Variants in MGAT1 observed in about 807,000 individuals in gnomAD.
The protein encoded by MGAT1 is N-glycosyl-oligosaccharide-glycoprotein N-acetylglucosaminyltransferase I.
MGAT1 carries 14 observed loss-of-function variants against 31.7 expected under a neutral mutation model. The ratio of observed to expected loss-of-function variants is 0.44; its 90% CI spans 0.29 to 0.69. The LOEUF (loss-of-function observed/expected upper bound fraction) is 0.69. Ranked by LOEUF, MGAT1 falls within the 30% of genes least tolerant of loss-of-function variation. The probability of loss-of-function intolerance (pLI) is 0.12; values close to 1 mark genes in which losing one functional copy is unlikely to be tolerated. For missense variants in MGAT1, 557 were observed against 626.0 expected (o/e 0.89, Z 1.18); for synonymous variants, 338 against 276.0 (o/e 1.22, Z -2.23).
At chr5:180,800,398 T>C (rs575902809) in intron 1 of MGAT1, among the ~76,000 whole-genome samples, 1 of 152,272 alleles carries the variant, frequency 6.6e-6, no homozygotes, top group Non-Finnish European at 1.5e-5. Flanking sequence ...GACGTGTCTC[T>C]GCTCCACTAT....
rs549606932 is a variant in MGAT1 at position 180,785,190 on chromosome 5, T to A, written c.*6444A>T. 6.6e-6 allele frequency: 1 copy of A among 152,218 alleles called. No individual in the cohort carries two copies. Among genetic ancestry groups the A allele is most frequent in the Non-Finnish European group, 1.5e-5 (1 of 68,032 alleles). 9.4% of individuals were successfully genotyped at this position (152,218 alleles called of 1,614,324 possible). On this transcript the variant is annotated 3_prime_UTR_variant, in exon 2 of 2. Coordinates refer to ENST00000307826, the MANE Select transcript of MGAT1 (RefSeq NM_002406.4). ...CCACCCTTGGATGCTGATGAGTAAA[T>A]GTTTTAAAATTCTATTCTCAAAATA... is the stretch of plus-strand genomic sequence containing the variant.
intron 1 of MGAT1, among the ~76,000 whole-genome samples, chr5:180,798,939 T>G (rs1001358360): frequency 6.6e-6 from 1 of 152,230 alleles, no homozygotes; most frequent in African/African-American, 2.4e-5. Flanking sequence ...CATTGACTGC[T>G]AGCATCCCAT....
rs72549456 is a variant in MGAT1, at chr5:180,792,985, G to C, written c.-14C>G. On this transcript the variant is annotated 5_prime_UTR_variant, in exon 2 of 2. Transcript: ENST00000307826. The stretch of plus-strand genomic sequence containing the variant: ...CTTCTTCAGCATCCTGGCCCCCACC[G>C]GGGAGGGCAGGCCAGGGGACGGTTC... The C allele has an allele frequency of 1.9e-6, 3 of 1,612,290 alleles. No individual in the cohort carries two copies. Among genetic ancestry groups the C allele is most frequent in the Middle Eastern group, 1.8e-4 (1 of 5,598 alleles).
intron 1 of MGAT1, among the ~76,000 whole-genome samples, chr5:180,814,871 G>T: frequency 6.6e-6 from 1 of 151,768 alleles, no homozygotes; most frequent in Non-Finnish European, 1.5e-5. Flanking sequence ...ACCCGGGGGG[G>T]CGGTGGTTGC....
upstream of MGAT1, among the ~76,000 whole-genome samples, chr5:180,806,959 G>C (rs1174988715): frequency 6.6e-6 from 1 of 152,150 alleles, no homozygotes; most frequent in East Asian, 1.9e-4. Context: ...CCTTATAAAG[G>C]AGCAGCCTGG....
intron 1 of MGAT1, among the ~76,000 whole-genome samples, chr5:180,812,236 C>T (rs1461513289): frequency 6.6e-6 from 1 of 152,218 alleles, no homozygotes; most frequent in African/African-American, 2.4e-5. Context: ...AATGAATGAA[C>T]TTGAAAAGCT....
chr5:180,806,501 T>C (rs1771898875), upstream of MGAT1, among the ~76,000 whole-genome samples: 1 of 152,304 alleles, frequency 6.6e-6, no homozygotes, highest in Non-Finnish European at 1.5e-5. Flanking sequence ...GGAAACGTTC[T>C]ACCAGAGAGG....
At position 180,792,038 on chromosome 5, in the gene MGAT1, T is replaced by C. The variant is rs780962874; in HGVS notation, c.934A>G (p.Met312Val). The change falls in exon 2 of 2, where the codon ATG (methionine) becomes GTG (valine). Residue 312 changes from methionine (M) to valine (V), a missense_variant. Coordinates refer to ENST00000307826, the MANE Select transcript of MGAT1 (RefSeq NM_002406.4). ...ACIRPEISRT[M>V]TFGRKGVSHG... ...CTCACACCCTTGCGGCCAAAGGTCATCGTTCTTGAGATCTCAGGGCGTATG... is the reference window on the plus strand; with the variant it reads ...CTCACACCCTTGCGGCCAAAGGTCACCGTTCTTGAGATCTCAGGGCGTATG... 5 of 1,613,846 alleles carry C rather than the reference T, an allele frequency of 3.1e-6. No individual in the cohort carries two copies. The highest frequency in any genetic ancestry group is 4.2e-6 in the Non-Finnish European group (5 of 1,180,032).
At chr5:180,810,614 C>T (rs1490254068) in intron 1 of MGAT1, 8 of 152,376 alleles carry the variant, frequency 5.3e-5, no homozygotes, top group Non-Finnish European at 1.0e-4. Context: ...CCCTCTCCCT[C>T]CGCCCAAAGG....
At chr5:180,795,295 A>G (rs1366447144) in intron 1 of MGAT1, 1 of 150,122 alleles carries the variant, frequency 6.7e-6, no homozygotes, top group Non-Finnish European at 1.5e-5. Context: ...ATATATATAT[A>G]TATACACACA....
At chr5:180,814,443 C>A (rs1420673998) in intron 1 of MGAT1, among the ~76,000 whole-genome samples, 2 of 152,246 alleles carry the variant, frequency 1.3e-5, no homozygotes, top group Non-Finnish European at 2.9e-5. Context: ...GCTGCTCCTC[C>A]TCAGCATCCT....
intron 1 of MGAT1, chr5:180,809,888 C>A (rs1191806792): frequency 6.6e-6 from 1 of 152,598 alleles, no homozygotes; most frequent in African/African-American, 2.4e-5. Flanking sequence ...CCTCCACCCC[C>A]TCCAAGAATT....
chr5:180,784,819 T>C lies in MGAT1; in HGVS notation c.*6815A>G, dbSNP rs1257398679. Reference sequence around the variant, plus strand: ...TTTATTTTCCTTTTATTTTTCAATGTTTTTAGGTAGTTACACGATAAGCAC... The same window carrying C: ...TTTATTTTCCTTTTATTTTTCAATGCTTTTAGGTAGTTACACGATAAGCAC... On this transcript the variant is annotated 3_prime_UTR_variant, in exon 2 of 2. Transcript: ENST00000307826. 2 of 152,234 alleles carry C rather than the reference T, an allele frequency of 1.3e-5. No individual in the cohort carries two copies. The highest frequency in any genetic ancestry group is 2.9e-5 in the Non-Finnish European group (2 of 68,048). 9.4% of individuals were successfully genotyped at this position (152,234 alleles called of 1,614,324 possible).
exon 2 of MGAT1, chr5:180,809,032 G>A (rs1772234326): frequency 6.6e-6 from 1 of 152,212 alleles, no homozygotes; most frequent in South Asian, 2.1e-4. Flanking sequence ...AGAAGAAACA[G>A]GCCTTAGAAG....
upstream of MGAT1, among the ~76,000 whole-genome samples, chr5:180,806,295 T>A (rs1456549665): frequency 6.6e-6 from 1 of 151,736 alleles, no homozygotes; most frequent in African/African-American, 2.4e-5. Flanking sequence ...AAAAAAAAAA[T>A]GCACACACAG....
In MGAT1 at chr5:180,813,757, G is replaced by C. The variant is rs77797826; in HGVS notation, c.-546+1657C>G. 5.2e-3 allele frequency among the ~76,000 whole-genome samples: 787 copies of C among 152,226 alleles called. 19 individuals carry two copies. The highest frequency in any genetic ancestry group is 0.034 in the Admixed American group (525 of 15,294). On this transcript the variant is annotated intron_variant, in intron 1 of 2. Coordinates refer to the MGAT1 transcript ENST00000333055. The stretch of plus-strand genomic sequence containing the variant: ...GACCCCTCTTTCCTATGGAAGCCTC[G>C]CATCTCCATCAGAAGCAGCAGTAAA...
chr5:180,814,926 G>C (rs941736155), intron 1 of MGAT1, among the ~76,000 whole-genome samples: 2 of 148,988 alleles, frequency 1.3e-5, no homozygotes, highest in South Asian at 4.2e-4. Context: ...AGGCGACAGA[G>C]TGAGACTCTG....
At chr5:180,806,881 CAA>C (rs1353199584), upstream of MGAT1, among the ~76,000 whole-genome samples, 2 of 152,226 alleles carry the variant, frequency 1.3e-5, no homozygotes, top group Admixed American at 6.5e-5. Flanking sequence ...TGTGTCTAAG[CAA>C]AGACTGGCAA....
intron 1 of MGAT1, among the ~76,000 whole-genome samples, chr5:180,799,918 C>G (rs78981792): frequency 1.3e-5 from 2 of 152,180 alleles, no homozygotes; most frequent in South Asian, 2.1e-4. Flanking sequence ...ATGGACAGGA[C>G]CCCCATAGGT....
Sources: allele counts gnomAD v4.1 joint callset (sites outside exome capture counted in the v4.1 genomes callset), GRCh38; gene constraint gnomAD v4.1.1; transcripts MANE v1.5; gene names NCBI Gene and HGNC (gene_info 2026-07-23, HGNC 2026-07-21).